The following PEX5 variants were observed in gnomAD, a reference collection of about 807,000 sequenced individuals.
PEX5 encodes the protein PTS1 receptor.
A neutral mutation model predicts 82.9 loss-of-function variants in PEX5; 52 were observed. That is an observed-to-expected ratio of 0.63 (90% confidence interval 0.50 to 0.79). PEX5 has a LOEUF of 0.79. Among genes scored for constraint, PEX5 ranks in the 30% least tolerant of loss-of-function variants. The probability of loss-of-function intolerance (pLI) is 0.00; values close to 1 mark genes in which losing one functional copy is unlikely to be tolerated. For synonymous variants in PEX5, 300 were observed against 318.8 expected (o/e 0.94, Z 0.63); for missense variants, 719 against 815.2 (o/e 0.88, Z 1.44).
intron 9 of PEX5, among the ~76,000 whole-genome samples, chr12:7,203,038 A>G (rs1190892465): frequency 6.6e-6 from 1 of 152,042 alleles, no homozygotes; most frequent in Non-Finnish European, 1.5e-5. Context: ...CATGCCTGTA[A>G]TCCCAGCTAC....
chr12:7,200,782 C>G (rs1014272442), intron 6 of PEX5, among the ~76,000 whole-genome samples: 1 of 150,620 alleles, frequency 6.6e-6, no homozygotes, highest in South Asian at 2.2e-4. Context: ...TGCAGGCACT[C>G]GGCAGGCTGA....
At chr12:7,203,319 T>TA in intron 9 of PEX5, 113 bp from the exon 10 acceptor site, 2 of 1,247,914 alleles carry the variant, frequency 1.6e-6, no homozygotes, top group Non-Finnish European at 2.2e-6. Context: ...AGATGATTCT[T>TA]AAACATATTG....
chr12:7,201,475 A>G (rs1385859113), intron 6 of PEX5, among the ~76,000 whole-genome samples: 21 of 152,332 alleles, frequency 1.4e-4, no homozygotes, highest in Non-Finnish European at 4.4e-5. Context: ...CTTAAAGTTC[A>G]TAATTTTACC....
rs1189522532 is a variant in PEX5 at position 7,209,168 on chromosome 12, A to G, written c.1558A>G (p.Asn520Asp). 2 of 1,613,638 alleles carry G rather than the reference A, an allele frequency of 1.2e-6. No homozygotes were observed. The highest frequency in any genetic ancestry group is 1.7e-6 in the Non-Finnish European group (2 of 1,179,950). The part of the protein sequence containing the change: ...CFTAALSVRP[N>D]DYLLWNKLGA... ...CACAGCTGCCCTCAGCGTTCGTCCC[A>G]ATGTGAGCCCAGGGGAGGAATGGAA... is the stretch of plus-strand genomic sequence containing the variant. Residue 520 changes from asparagine (N) to aspartate (D), a missense_variant and splice_region_variant, in exon 14 of 16, where the codon AAT (asparagine) becomes GAT (aspartate). Asn to Asp is a conservative substitution (Grantham distance 23). Coordinates refer to ENST00000675855, the MANE Select transcript of PEX5 (RefSeq NM_001351132.2).
At chr12:7,213,795 C>T (rs1409664863), downstream of PEX5, among the ~76,000 whole-genome samples, 1 of 150,060 alleles carries the variant, frequency 6.7e-6, no homozygotes, top group Admixed American at 6.6e-5. Flanking sequence ...AGGCAACCTA[C>T]AAAATGGGAG....
chr12:7,197,153 T>C lies in PEX5; in HGVS notation c.449-1858T>C, dbSNP rs754346638. Among the ~76,000 whole-genome samples, 185 of 110,438 alleles carry C rather than the reference T, an allele frequency of 1.7e-3. 42 individuals are homozygous for C. The highest frequency in any genetic ancestry group is 6.3e-3 in the African/African-American group (179 of 28,294). 72.5% of individuals were successfully genotyped at this position (110,438 alleles called of 152,430 possible). A position where few individuals can be genotyped will look rare whatever the true frequency, so the allele number is the denominator to read the frequency against. The stretch of plus-strand genomic sequence containing the variant: ...TGTCATATATAATGTAATAATTATA[T>C]ATGTCATATATAATGTAATTATATA... On this transcript the variant is annotated intron_variant, in intron 5 of 15. Transcript: ENST00000675855.
chr12:7,191,808 C>T, intron 5 of PEX5, 108 bp downstream of exon 5: 1 of 1,048,008 alleles, frequency 9.5e-7, no homozygotes, highest in Non-Finnish European at 1.5e-6. Flanking sequence ...TCTCATGACT[C>T]ATTTCTAGAG....
intron 10 of PEX5, among the ~76,000 whole-genome samples, chr12:7,206,496 T>G (rs4883095): frequency 0.74 from 111,884 of 152,070 alleles, 41,907 homozygotes; most frequent in South Asian, 0.83. Context: ...TCTGCCTTCT[T>G]AGTTTTTATA....
intron 10 of PEX5, among the ~76,000 whole-genome samples, chr12:7,204,980 AGAGT>A (rs1226772489): frequency 3.9e-5 from 6 of 152,228 alleles, no homozygotes; most frequent in African/African-American, 1.4e-4. Flanking sequence ...CATGTGCAAA[AGAGT>A]GAAACTGAAC....
intron 6 of PEX5, among the ~76,000 whole-genome samples, chr12:7,199,487 C>CA (rs1311625803): frequency 6.6e-6 from 1 of 151,054 alleles, no homozygotes; most frequent in African/African-American, 2.4e-5. Flanking sequence ...CCTGAGTGAA[C>CA]ACAGCACATG....
In PEX5 at chr12:7,205,171, T is replaced by C. The variant is rs1291209297; in HGVS notation, c.966+1620T>C. ...GTCATATCCAGAATACATTTTTTAA[T>C]TAAAAACTTTAAAAGTATGTTTGTA... On this transcript the variant is annotated intron_variant, in intron 10 of 15. Coordinates refer to ENST00000675855, the MANE Select transcript of PEX5 (RefSeq NM_001351132.2). 2.0e-5 allele frequency among the ~76,000 whole-genome samples: 3 copies of C among 151,932 alleles called. No homozygotes were observed. In the East Asian group the frequency reaches 5.8e-4, roughly 29 times the overall value.
chr12:7,200,902 G>A (rs950023735), intron 6 of PEX5, among the ~76,000 whole-genome samples: 22 of 146,328 alleles, frequency 1.5e-4, no homozygotes, highest in African/African-American at 5.2e-4. Flanking sequence ...GAGAGAGACC[G>A]TAGGGAGAGG....
intron 12 of PEX5, 91 bp downstream of exon 12, chr12:7,208,171 T>G: frequency 1.1e-6 from 1 of 947,454 alleles, no homozygotes; most frequent in Non-Finnish European, 1.7e-6. Context: ...ATCCTTGTCT[T>G]CTTTCTGAGT....
rs1041528639 is a variant in PEX5, at chr12:7,209,790, C to G, written c.1668C>G (p.Ile556Met). 6.2e-7 allele frequency: 1 copy of G among 1,614,208 alleles called. No homozygotes were observed. The highest frequency in any genetic ancestry group is 1.7e-5 in the Admixed American group (1 of 60,028). The change falls in exon 15 of 16, where the codon ATC becomes ATG. Residue 556 changes from isoleucine (I) to methionine (M), a missense_variant. By Grantham distance (10) the Ile-to-Met change is conservative. Coordinates refer to ENST00000675855, the MANE Select transcript of PEX5 (RefSeq NM_001351132.2). ...RRALELQPGY[I>M]RSRYNLGISC... The stretch of plus-strand genomic sequence containing the variant: ...CCCTCGAGCTCCAGCCTGGCTATAT[C>G]CGGTCCCGCTATAACCTGGGCATCA...
chr12:7,189,088 A>C (rs1038001804), upstream of PEX5: 1 of 152,140 alleles, frequency 6.6e-6, no homozygotes, highest in Non-Finnish European at 1.5e-5. Flanking sequence ...GTCATCATGC[A>C]GTGCTATTTT....
At chr12:7,191,010 T>A (rs1940995451) in intron 3 of PEX5, 87 bp downstream of exon 3, 2 of 1,387,366 alleles carry the variant, frequency 1.4e-6, no homozygotes, top group South Asian at 2.3e-5. Context: ...TATTTCAATT[T>A]TTGGGCTTTC....
At chr12:7,216,183 G>A (rs1455694253), downstream of PEX5, among the ~76,000 whole-genome samples, 1 of 152,116 alleles carries the variant, frequency 6.6e-6, no homozygotes, top group African/African-American at 2.4e-5. Flanking sequence ...GGCCAGGCTG[G>A]TCTTGAACTC....
At chr12:7,206,371 G>A (rs919449412) in intron 10 of PEX5, among the ~76,000 whole-genome samples, 2 of 152,240 alleles carry the variant, frequency 1.3e-5, no homozygotes, top group Middle Eastern at 3.2e-3. Context: ...ATGTCTGGCT[G>A]CTTTCGCACT....
At chr12:7,216,178 G>T (rs1293301793), downstream of PEX5, among the ~76,000 whole-genome samples, 1 of 152,158 alleles carries the variant, frequency 6.6e-6, no homozygotes, top group African/African-American at 2.4e-5. Flanking sequence ...ACATTGGCCA[G>T]GCTGGTCTTG....
Sources: gnomAD v4.1 joint callset for allele counts (sites outside exome capture counted in the v4.1 genomes callset) on GRCh38, gnomAD v4.1.1 for gene constraint, MANE v1.5 for transcripts, NCBI Gene and HGNC (gene_info 2026-07-23, HGNC 2026-07-21) for gene names.